Variants in WHRN observed in about 807,000 individuals in gnomAD.
The protein encoded by WHRN is whirlin.
Under a neutral mutation model 68.3 loss-of-function variants are expected in WHRN, and 41 were observed. The observed-to-expected ratio is 0.60, with a 90% CI of 0.47 to 0.78. The LOEUF (loss-of-function observed/expected upper bound fraction) is 0.78, where lower values mean the gene tolerates loss of function less well. Ranked by LOEUF, WHRN falls within the 30% of genes least tolerant of loss-of-function variation. The pLI is 0.00. For synonymous variants in WHRN, 560 were observed against 561.3 expected (o/e 1.00, Z 0.03); for missense variants, 1,243 against 1,244.7 (o/e 1.00, Z 0.02).
chr9:114,483,937 T>G (rs1191242821), intron 1 of WHRN, among the ~76,000 whole-genome samples: 1 of 152,200 alleles, frequency 6.6e-6, no homozygotes, highest in African/African-American at 2.4e-5. Context: ...CCAGGCAGGC[T>G]GAGGGTTGCA....
chr9:114,449,448 C>A (rs570852334), intron 3 of WHRN, among the ~76,000 whole-genome samples: 1 of 152,346 alleles, frequency 6.6e-6, no homozygotes, highest in Admixed American at 6.5e-5. Flanking sequence ...ATGGGCGTGC[C>A]CAGAGAAATT....
chr9:114,418,679 C>T (rs775005854), intron 7 of WHRN, among the ~76,000 whole-genome samples: 1 of 152,220 alleles, frequency 6.6e-6, no homozygotes, highest in African/African-American at 2.4e-5. Context: ...TACCTCAGGG[C>T]CTTTGCACAT....
rs1836620827 is a variant in WHRN, at chr9:114,424,437, T to TCCTGCTCGTTCAGCAGGTGCCGAG, written c.1289_1312dup (p.Ala430_Gln437dup). 2 of 1,613,398 alleles carry TCCTGCTCGTTCAGCAGGTGCCGAG rather than the reference T, an allele frequency of 1.2e-6. No homozygotes were observed. Among genetic ancestry groups the TCCTGCTCGTTCAGCAGGTGCCGAG allele is most frequent in the African/African-American group, 2.7e-5 (2 of 74,910 alleles). ...CAGGTAGTAGGCCATGGTGGCGTGT[T>TCCTGCTCGTTCAGCAGGTGCCGAG]CCTGCTCGTTCAGCAGGTGCCGAGC... is the stretch of plus-strand genomic sequence containing the variant. On this transcript the variant is annotated inframe_insertion, in exon 6 of 12. Transcript: ENST00000362057.
At chr9:114,485,891 G>C (rs1337772406) in intron 1 of WHRN, among the ~76,000 whole-genome samples, 5 of 151,956 alleles carry the variant, frequency 3.3e-5, no homozygotes, top group African/African-American at 9.7e-5. Flanking sequence ...GTGTGCACCT[G>C]CAGTCCTAGC....
At chr9:114,463,446 T>C (rs778750755) in intron 3 of WHRN, among the ~76,000 whole-genome samples, 13 of 152,268 alleles carry the variant, frequency 8.5e-5, no homozygotes, top group Admixed American at 3.3e-4. Context: ...AAATGGCATT[T>C]AAACTTCATA....
At position 114,406,416 on chromosome 9, in the gene WHRN, C is replaced by T; in HGVS notation, c.2175G>A (p.Glu725=). Residue 725 remains glutamate (E), a synonymous_variant, in exon 9 of 12, where the codon GAG becomes GAA. Coordinates refer to ENST00000362057, the MANE Select transcript of WHRN (RefSeq NM_015404.4). The part of the protein sequence containing the change: ...TGTNQHFVMV[E]VHRPDSEPDV... Reference sequence around the variant, plus strand: ...CTGGCTCGCTGTCGGGGCGGTGGACCTCCACCATGACAAAGTGCTGGTTTG... The same window carrying T: ...CTGGCTCGCTGTCGGGGCGGTGGACTTCCACCATGACAAAGTGCTGGTTTG... 1 of 1,614,172 alleles carries T rather than the reference C, an allele frequency of 6.2e-7. No individual in the cohort carries two copies. Among genetic ancestry groups the T allele is most frequent in the Non-Finnish European group, 8.5e-7 (1 of 1,180,046 alleles).
chr9:114,428,700 G>A (rs1837112063), intron 3 of WHRN, among the ~76,000 whole-genome samples: 1 of 152,150 alleles, frequency 6.6e-6, no homozygotes, highest in Non-Finnish European at 1.5e-5. Flanking sequence ...CAAAGCTACT[G>A]TGCTGCCATC....
At chr9:114,502,688 A>G (rs1037332915) in intron 1 of WHRN, among the ~76,000 whole-genome samples, 7 of 152,218 alleles carry the variant, frequency 4.6e-5, no homozygotes, top group African/African-American at 1.7e-4. Flanking sequence ...TTTCCAAAGC[A>G]TATCACCTTA....
At chr9:114,499,775 T>C (rs1010103102) in intron 1 of WHRN, among the ~76,000 whole-genome samples, 1 of 152,162 alleles carries the variant, frequency 6.6e-6, no homozygotes, top group African/African-American at 2.4e-5. Context: ...ACACGGACAA[T>C]CCAATTGGTC....
intron 3 of WHRN, among the ~76,000 whole-genome samples, chr9:114,446,508 T>C (rs891349991): frequency 2.6e-5 from 4 of 152,212 alleles, no homozygotes; most frequent in Admixed American, 2.6e-4. Context: ...ATATGAATTG[T>C]ATCTCAAAAA....
chr9:114,412,755 C>T (rs901082634), intron 7 of WHRN, among the ~76,000 whole-genome samples: 2 of 152,190 alleles, frequency 1.3e-5, no homozygotes, highest in Non-Finnish European at 2.9e-5. Context: ...TCTTGGGGAA[C>T]TGTAAGGGGA....
chr9:114,471,846 A>G (rs1018510870), intron 2 of WHRN, among the ~76,000 whole-genome samples: 2 of 152,222 alleles, frequency 1.3e-5, no homozygotes, highest in African/African-American at 4.8e-5. Flanking sequence ...ACACAGGAAG[A>G]GAAGGGCCTC....
intron 7 of WHRN, among the ~76,000 whole-genome samples, chr9:114,423,111 C>A (rs1836459381): frequency 1.3e-5 from 2 of 152,100 alleles, no homozygotes; most frequent in African/African-American, 4.8e-5. Flanking sequence ...CACCTGTTGT[C>A]CCCAAGAGCC....
At chr9:114,416,715 G>C (rs1835844176) in intron 7 of WHRN, among the ~76,000 whole-genome samples, 1 of 152,172 alleles carries the variant, frequency 6.6e-6, no homozygotes, top group African/African-American at 2.4e-5. Flanking sequence ...TCTTACAGTA[G>C]TGTGAGAACG....
Position 114,406,590 on chromosome 9 carries a change from G to A in WHRN, c.2001C>T (p.Ala667=). Residue 667 remains alanine (A), a synonymous_variant, in exon 9 of 12, where the codon GCC becomes GCT. Transcript: ENST00000362057. The stretch of plus-strand genomic sequence containing the variant: ...GGTGTTGGTTGACCAGGGCCAGATG[G>A]GCGTCCAGCGGCCTCTTGGAGCTGG... ...ANPSSKRPLD[A]HLALVNQHPI... is the part of the protein sequence containing the mutation. 6.2e-7 allele frequency: 1 copy of A among 1,610,806 alleles called. No homozygotes were observed. The highest frequency in any genetic ancestry group is 8.5e-7 in the Non-Finnish European group (1 of 1,177,652).
chr9:114,424,923 T>C, intron 5 of WHRN, 65 bp downstream of exon 5: 1 of 1,561,140 alleles, frequency 6.4e-7, no homozygotes, highest in Non-Finnish European at 8.8e-7. Flanking sequence ...ACCCTCTGGC[T>C]GGCCAGACCT....
rs1035214300 is a variant in WHRN at position 114,403,330 on chromosome 9, G to A, written c.2428C>T (p.Leu810=). 2 of 1,614,050 alleles carry A rather than the reference G, an allele frequency of 1.2e-6. No homozygotes were observed. Among genetic ancestry groups the A allele is most frequent in the Non-Finnish European group, 1.7e-6 (2 of 1,180,012 alleles). ...TDGANKPPGL[L]EPTSTLVRVK... Reference sequence around the variant, plus strand: ...CGGACCAGAGTGGACGTGGGCTCCAGAAGTCCAGGCTGTGGGTATTAGGAA... The same window carrying A: ...CGGACCAGAGTGGACGTGGGCTCCAAAAGTCCAGGCTGTGGGTATTAGGAA... Residue 810 remains leucine (L), a synonymous_variant, in exon 11 of 12, where the codon CTG becomes TTG. Transcript: ENST00000362057.
Position 114,426,359 on chromosome 9 carries a change from C to A in WHRN, c.1018G>T (p.Asp340Tyr), listed in dbSNP as rs937343366. 1.9e-6 allele frequency: 3 copies of A among 1,613,974 alleles called. No individual in the cohort carries two copies. The African/African-American group carries it at 4.0e-5, about 22-fold the overall frequency. ...NGRSFLNILH[D>Y]EAVRLLKSSR... is the part of the protein sequence containing the mutation. ...GACTTAAGCAGCCTGACAGCCTCGT[C>A]GTGTAGGATGTTGAGAAAGCTCCGC... The change falls in exon 4 of 12, where the codon GAC (aspartate) becomes TAC (tyrosine). Residue 340 changes from aspartate (D) to tyrosine (Y), a missense_variant. Physicochemically the swap from Asp to Tyr is radical, Grantham distance 160. Transcript: ENST00000362057.
intron 3 of WHRN, among the ~76,000 whole-genome samples, chr9:114,457,592 G>A (rs796106208): frequency 1.3e-5 from 2 of 152,042 alleles, no homozygotes; most frequent in Non-Finnish European, 2.9e-5. Flanking sequence ...TCATTTCTGT[G>A]GGCAAGAATC....
Sources: allele counts gnomAD v4.1 joint callset (sites outside exome capture counted in the v4.1 genomes callset), GRCh38; gene constraint gnomAD v4.1.1; transcripts MANE v1.5; gene names NCBI Gene and HGNC (gene_info 2026-07-23, HGNC 2026-07-21).